MBOAT1: variants seen among roughly 807,000 people sequenced by gnomAD.
The protein encoded by MBOAT1 is membrane-bound glycerophospholipid O-acyltransferase 1.
A neutral mutation model predicts 64.4 loss-of-function variants in MBOAT1; 67 were observed. The ratio of observed to expected loss-of-function variants is 1.04; its 90% CI spans 0.85 to 1.27. The LOEUF is 1.27. Ranked by LOEUF, MBOAT1 falls within the 50% of genes most tolerant of loss-of-function variation. The pLI, the probability that MBOAT1 is intolerant of heterozygous loss-of-function variation, is 0.00. For synonymous variants in MBOAT1, 229 were observed against 218.9 expected (o/e 1.05, Z -0.41); for missense variants, 563 against 604.6 (o/e 0.93, Z 0.72).
intron 6 of MBOAT1, among the ~76,000 whole-genome samples, chr6:20,127,974 C>A (rs2113654739): frequency 6.6e-6 from 1 of 152,220 alleles, no homozygotes. Context: ...TAGTGCTCCA[C>A]TGCTTCCAAG....
Position 20,119,990 on chromosome 6 carries a change from TGTGTGTGTGTGTGTGC to T in MBOAT1, c.908-1466_908-1451del, listed in dbSNP as rs984503102. Among the ~76,000 whole-genome samples, 9 of 78,930 alleles carry T rather than the reference TGTGTGTGTGTGTGTGC, an allele frequency of 1.1e-4. 1 individual carries two copies. The highest frequency in any genetic ancestry group is 5.2e-3 in the Middle Eastern group (1 of 192). 51.8% of individuals were successfully genotyped at this position (78,930 alleles called of 152,430 possible). A position where few individuals can be genotyped will look rare whatever the true frequency, so the allele number is the denominator to read the frequency against. ...AGAGAATAATGATAACTATCTTTTCTGTGTGTGTGTGTGTGCGTGTGTGTGTGTGTGTGTTTTCAGT... is the reference window on the plus strand; with the variant it reads ...AGAGAATAATGATAACTATCTTTTCTGTGTGTGTGTGTGTGTGTTTTCAGT... On this transcript the variant is annotated intron_variant, in intron 8 of 12. Transcript: ENST00000324607.
intron 1 of MBOAT1, among the ~76,000 whole-genome samples, chr6:20,186,007 C>T (rs1161412768): frequency 6.6e-6 from 1 of 152,142 alleles, no homozygotes; most frequent in Non-Finnish European, 1.5e-5. Flanking sequence ...CAGAGCAAGA[C>T]CTTGCCTCTA....
chr6:20,139,199 C>G (rs1182629324), intron 4 of MBOAT1, among the ~76,000 whole-genome samples: 1 of 152,180 alleles, frequency 6.6e-6, no homozygotes, highest in East Asian at 1.9e-4. Flanking sequence ...GGTCTCCGCT[C>G]CCTACAACCT....
intron 7 of MBOAT1, 45 bp from the exon 8 acceptor site, chr6:20,124,645 T>C (rs1186728045): frequency 1.3e-6 from 2 of 1,588,626 alleles, no homozygotes; most frequent in Non-Finnish European, 1.7e-6. Context: ...AAGGCTCAGG[T>C]ATGAAGAAAA....
At chr6:20,131,935 T>G (rs1174778912) in intron 4 of MBOAT1, among the ~76,000 whole-genome samples, 2 of 151,736 alleles carry the variant, frequency 1.3e-5, no homozygotes, top group Non-Finnish European at 2.9e-5. Flanking sequence ...CAGGGTGGAG[T>G]GCAGTGGCAT....
intron 1 of MBOAT1, among the ~76,000 whole-genome samples, chr6:20,154,592 T>C (rs1667210094): frequency 1.3e-5 from 2 of 152,122 alleles, no homozygotes; most frequent in Non-Finnish European, 2.9e-5. Flanking sequence ...CCTTATTGAA[T>C]TTCACCTTTC....
chr6:20,193,414 A>T (rs1762864913), intron 1 of MBOAT1, among the ~76,000 whole-genome samples: 1 of 152,122 alleles, frequency 6.6e-6, no homozygotes, highest in Non-Finnish European at 1.5e-5. Flanking sequence ...TGAGAGGCAG[A>T]ATAGTATTTC....
chr6:20,179,794 C>A (rs1408104707), intron 1 of MBOAT1, among the ~76,000 whole-genome samples: 1 of 152,126 alleles, frequency 6.6e-6, no homozygotes, highest in Non-Finnish European at 1.5e-5. Context: ...AAAAGTGCTC[C>A]TTTTTCTCCA....
intron 9 of MBOAT1, among the ~76,000 whole-genome samples, chr6:20,115,679 T>C (rs1271438391): frequency 6.6e-6 from 1 of 152,204 alleles, no homozygotes; most frequent in Non-Finnish European, 1.5e-5. Context: ...TAATTAAATA[T>C]TCTAAAAAGG....
chr6:20,173,053 T>C (rs1762245554), intron 1 of MBOAT1, among the ~76,000 whole-genome samples: 1 of 152,252 alleles, frequency 6.6e-6, no homozygotes, highest in African/African-American at 2.4e-5. Flanking sequence ...CCTCACTCTC[T>C]GTTGCTACTC....
chr6:20,185,249 C>T (rs1762618767), intron 1 of MBOAT1, among the ~76,000 whole-genome samples: 1 of 152,112 alleles, frequency 6.6e-6, no homozygotes, highest in African/African-American at 2.4e-5. Flanking sequence ...GAGCAAGACC[C>T]TGACAATCAA....
At chr6:20,128,187 C>T (rs1021677400) in intron 6 of MBOAT1, among the ~76,000 whole-genome samples, 2 of 152,094 alleles carry the variant, frequency 1.3e-5, no homozygotes, top group Non-Finnish European at 2.9e-5. Flanking sequence ...AACACTCCCC[C>T]TTCCTACTTC....
At chr6:20,172,457 T>C (rs937504014) in intron 1 of MBOAT1, among the ~76,000 whole-genome samples, 1 of 151,934 alleles carries the variant, frequency 6.6e-6, no homozygotes, top group Non-Finnish European at 1.5e-5. Context: ...AAACAAAAAA[T>C]TGTTGATTCC....
At chr6:20,143,178 A>G (rs1435424641) in intron 4 of MBOAT1, among the ~76,000 whole-genome samples, 1 of 152,240 alleles carries the variant, frequency 6.6e-6, no homozygotes, top group African/African-American at 2.4e-5. Flanking sequence ...AACGTGGATA[A>G]CAGATCACGC....
At chr6:20,168,755 A>AGGG (rs1762106199) in intron 1 of MBOAT1, among the ~76,000 whole-genome samples, 2 of 92,946 alleles carry the variant, frequency 2.2e-5, no homozygotes, top group African/African-American at 4.3e-5. Flanking sequence ...GGGAGGAAGG[A>AGGG]AGGGAGGGAG....
intron 1 of MBOAT1, among the ~76,000 whole-genome samples, chr6:20,209,444 C>A (rs1763356641): frequency 6.6e-6 from 1 of 151,810 alleles, no homozygotes; most frequent in Non-Finnish European, 1.5e-5. Context: ...ATGGAAGAAT[C>A]AGATGAAAAA....
chr6:20,128,905 C>T, intron 5 of MBOAT1, 152 bp from the exon 6 acceptor site: 2 of 586,860 alleles, frequency 3.4e-6, no homozygotes, highest in East Asian at 6.0e-5. Context: ...TTTTTAATGC[C>T]CTGGACCAAA....
chr6:20,125,786 CA>C, intron 7 of MBOAT1: 2 of 353,504 alleles, frequency 5.7e-6, no homozygotes, highest in Non-Finnish European at 5.4e-6. Flanking sequence ...CTTAAGTTTT[CA>C]AATACTTAAC....
intron 4 of MBOAT1, among the ~76,000 whole-genome samples, chr6:20,139,712 C>T (rs1449355884): frequency 1.3e-5 from 2 of 151,718 alleles, no homozygotes; most frequent in African/African-American, 2.4e-5. Context: ...CACCACCACA[C>T]CCAGCTGAGT....
Sources: gnomAD v4.1 joint callset for allele counts (sites outside exome capture counted in the v4.1 genomes callset) on GRCh38, gnomAD v4.1.1 for gene constraint, MANE v1.5 for transcripts, NCBI Gene and HGNC (gene_info 2026-07-23, HGNC 2026-07-21) for gene names.